ADAMTSL1: variants seen among roughly 807,000 people sequenced by gnomAD.
ADAMTSL1 encodes ADAMTS like 1, also known as ADAMTS-like protein 1.
Under a neutral mutation model 201.8 loss-of-function variants are expected in ADAMTSL1, and 126 were observed. That is an observed-to-expected ratio of 0.62 (90% confidence interval 0.54 to 0.72). ADAMTSL1 has a LOEUF of 0.72. ADAMTSL1 is among the 30% of genes least tolerant of loss of function. The probability of loss-of-function intolerance (pLI) is 0.00; values close to 1 mark genes in which losing one functional copy is unlikely to be tolerated. For synonymous variants in ADAMTSL1, 1,121 were observed against 903.4 expected (o/e 1.24, Z -4.32); for missense variants, 2,679 against 2,277.8 (o/e 1.18, Z -3.59).
intron 23 of ADAMTSL1, among the ~76,000 whole-genome samples, chr9:18,841,042 G>T (rs11506213): frequency 0.41 from 56,678 of 137,676 alleles, 11,820 homozygotes; most frequent in Non-Finnish European, 0.43. Flanking sequence ...TTCTCCTGCC[G>T]AATTGCCCTG....
chr9:18,117,456 A>T (rs2150573), intron 1 of ADAMTSL1, among the ~76,000 whole-genome samples: 66,511 of 151,758 alleles, frequency 0.44, 14,952 homozygotes, highest in East Asian at 0.57. Flanking sequence ...GTTTCCAAGG[A>T]CTGGAGAGCT....
chr9:18,720,100 C>T (rs1425607204), intron 14 of ADAMTSL1, among the ~76,000 whole-genome samples: 1 of 152,188 alleles, frequency 6.6e-6, no homozygotes, highest in East Asian at 1.9e-4. Context: ...CTTGCCTCTT[C>T]ACTCAAACTG....
At position 18,639,520 on chromosome 9, in the gene ADAMTSL1, G is replaced by A. The variant is rs749131584; in HGVS notation, c.834+109G>A. Reference sequence around the variant, plus strand: ...GTTCTGACATATGTTTGGAAAGCCCGTTTGTTACCCAGGAAATGTTTAATC... The same window carrying A: ...GTTCTGACATATGTTTGGAAAGCCCATTTGTTACCCAGGAAATGTTTAATC... On this transcript the variant is annotated intron_variant, in intron 7 of 28. Transcript: ENST00000380548. The A allele has an allele frequency of 4.0e-4, 517 of 1,304,152 alleles. 1 individual carries two copies. Among genetic ancestry groups the A allele is most frequent in the Non-Finnish European group, 5.0e-4 (478 of 951,798 alleles). The allele number at this position is 1,304,152 out of a possible 1,614,324, so 80.8% of individuals were successfully genotyped here.
chr9:18,350,374 A>G (rs1456989503), intron 2 of ADAMTSL1, among the ~76,000 whole-genome samples: 2 of 152,120 alleles, frequency 1.3e-5, no homozygotes, highest in African/African-American at 2.4e-5. Context: ...ATTTGGGCCC[A>G]ATGTAAAAAA....
intron 2 of ADAMTSL1, among the ~76,000 whole-genome samples, chr9:18,274,843 G>C (rs933472367): frequency 1.3e-5 from 2 of 152,204 alleles, no homozygotes; most frequent in South Asian, 4.1e-4. Context: ...CACTTCCATT[G>C]TAAGCCTGTA....
At chr9:18,789,384 C>T (rs1453525489) in intron 19 of ADAMTSL1, among the ~76,000 whole-genome samples, 1 of 152,096 alleles carries the variant, frequency 6.6e-6, no homozygotes, top group Non-Finnish European at 1.5e-5. Context: ...ATTACTTGCC[C>T]AAGGCTACAG....
chr9:18,739,721 C>A lies in ADAMTSL1; in HGVS notation c.2007-13577C>A, dbSNP rs112057635. Reference sequence around the variant, plus strand: ...TCATTCTCACTCCCCACGTCAACACCCTTTAGGGCTAGAAAGTGCAGGGGC... The same window carrying A: ...TCATTCTCACTCCCCACGTCAACACACTTTAGGGCTAGAAAGTGCAGGGGC... On this transcript the variant is annotated intron_variant, in intron 15 of 28. Coordinates refer to ENST00000380548, the MANE Select transcript of ADAMTSL1 (RefSeq NM_001040272.6). Among the ~76,000 whole-genome samples the A allele has an allele frequency of 5.2e-3, 791 of 152,196 alleles. 1 individual carries two copies. Among genetic ancestry groups the A allele is most frequent in the African/African-American group, 0.016 (682 of 41,512 alleles).
chr9:18,052,063 C>T (rs1200965190), intron 1 of ADAMTSL1, among the ~76,000 whole-genome samples: 3 of 152,202 alleles, frequency 2.0e-5, no homozygotes, highest in African/African-American at 7.2e-5. Flanking sequence ...AGTAGAGCTC[C>T]TATTTTTAGA....
intron 5 of ADAMTSL1, 143 bp from the exon 6 acceptor site, chr9:18,635,800 T>G: frequency 1.6e-6 from 1 of 620,000 alleles, no homozygotes; most frequent in Non-Finnish European, 2.7e-6. Flanking sequence ...AAATGTTGAT[T>G]TCTAAATATT....
intron 7 of ADAMTSL1, among the ~76,000 whole-genome samples, chr9:18,655,804 C>A (rs1828604402): frequency 3.7e-5 from 2 of 54,368 alleles, no homozygotes; most frequent in South Asian, 6.6e-4. Flanking sequence ...CTTTTGTGAG[C>A]TTAAAAAAAA....
chr9:18,036,697 TG>T (rs1821213906), intron 1 of ADAMTSL1, among the ~76,000 whole-genome samples: 1 of 152,192 alleles, frequency 6.6e-6, no homozygotes, highest in African/African-American at 2.4e-5. Flanking sequence ...TATCTTCGTT[TG>T]GTAAAGACCT....
In ADAMTSL1 at chr9:18,533,238, G is replaced by T; in HGVS notation, c.192-9G>T. On this transcript the variant is annotated splice_polypyrimidine_tract_variant and intron_variant, in intron 2 of 28. Transcript: ENST00000380548. The stretch of plus-strand genomic sequence containing the variant: ...GTAGTAATATTTCTTTTTTCTTTTT[G>T]CAACTTAGGAGCTGTGAAGGAAGAA... The T allele has an allele frequency of 6.3e-7, 1 of 1,596,420 alleles. No homozygotes were observed. The highest frequency in any genetic ancestry group is 8.5e-7 in the Non-Finnish European group (1 of 1,172,694).
intron 2 of ADAMTSL1, among the ~76,000 whole-genome samples, chr9:18,367,950 A>G (rs1836850135): frequency 6.6e-6 from 1 of 151,822 alleles, no homozygotes; most frequent in African/African-American, 2.4e-5. Context: ...CCCAGGCTGG[A>G]GTGCAGTGGC....
intron 2 of ADAMTSL1, among the ~76,000 whole-genome samples, chr9:18,350,904 GA>G (rs1252351668): frequency 6.6e-6 from 1 of 152,076 alleles, no homozygotes; most frequent in Non-Finnish European, 1.5e-5. Flanking sequence ...AAGGTGGCAA[GA>G]ACTTCATAGA....
chr9:18,841,164 G>T (rs1825693398), intron 23 of ADAMTSL1, among the ~76,000 whole-genome samples: 1 of 151,360 alleles, frequency 6.6e-6, no homozygotes, highest in African/African-American at 2.5e-5. Context: ...TATGATATTG[G>T]CTGTGGGTTT....
chr9:18,652,413 G>C (rs1828350534), intron 7 of ADAMTSL1, among the ~76,000 whole-genome samples: 1 of 150,862 alleles, frequency 6.6e-6, no homozygotes, highest in African/African-American at 2.4e-5. Context: ...TTGTGATACT[G>C]GGCAGCCTGT....
intron 2 of ADAMTSL1, among the ~76,000 whole-genome samples, chr9:18,523,851 A>G (rs1484025626): frequency 7.3e-6 from 1 of 137,310 alleles, no homozygotes; most frequent in Non-Finnish European, 1.6e-5. Context: ...GTAGCCTTGC[A>G]GTATAGTTTG....
At chr9:17,939,984 G>A (rs2131343071) in intron 1 of ADAMTSL1, among the ~76,000 whole-genome samples, 1 of 152,154 alleles carries the variant, frequency 6.6e-6, no homozygotes, top group East Asian at 1.9e-4. Context: ...CAGAGTGTTG[G>A]TAGAGAACAG....
intron 2 of ADAMTSL1, among the ~76,000 whole-genome samples, chr9:18,349,975 C>A (rs1236576335): frequency 1.3e-5 from 2 of 151,440 alleles, no homozygotes; most frequent in African/African-American, 4.8e-5. Flanking sequence ...GGTTAGACCT[C>A]CAAAGACAAA....
Sources: gnomAD v4.1 joint callset for allele counts (sites outside exome capture counted in the v4.1 genomes callset) on GRCh38, gnomAD v4.1.1 for gene constraint, MANE v1.5 for transcripts, NCBI Gene and HGNC (gene_info 2026-07-23, HGNC 2026-07-21) for gene names.